Variants in FBXL5 observed in about 807,000 individuals in gnomAD.
FBXL5 encodes F-box and leucine rich repeat protein 5, also known as F-box/LRR-repeat protein 5.
FBXL5 carries 26 observed loss-of-function variants against 78.3 expected under a neutral mutation model. The observed-to-expected ratio is 0.33, with a 90% CI of 0.24 to 0.46. The LOEUF is 0.46. Ranked by LOEUF, FBXL5 falls within the 20% of genes least tolerant of loss-of-function variation. The pLI, the probability that FBXL5 is intolerant of heterozygous loss-of-function variation, is 1.00. For synonymous variants in FBXL5, 295 were observed against 282.5 expected, an observed-to-expected ratio of 1.04 and a Z score of -0.45; for missense variants, 710 against 829.2, an observed-to-expected ratio of 0.86 and a Z score of 1.77.
chr4:15,678,487 T>G (rs929279233), intron 1 of FBXL5, among the ~76,000 whole-genome samples: 1 of 152,194 alleles, frequency 6.6e-6, no homozygotes, highest in Non-Finnish European at 1.5e-5. Context: ...TTACAATTCA[T>G]GCAAACGAAG....
At chr4:15,650,201 C>A (rs1007426232) in intron 1 of FBXL5, among the ~76,000 whole-genome samples, 7 of 152,140 alleles carry the variant, frequency 4.6e-5, no homozygotes, top group African/African-American at 1.7e-4. Flanking sequence ...GGACAGCCCC[C>A]ATAAAAAAGA....
chr4:15,674,209 T>C (rs1423328496), intron 1 of FBXL5, among the ~76,000 whole-genome samples: 1 of 152,020 alleles, frequency 6.6e-6, no homozygotes, highest in African/African-American at 2.4e-5. Context: ...ATCGTGTTTT[T>C]TTTTTTTTTT....
chr4:15,630,762 G>C lies in FBXL5; in HGVS notation c.796C>G (p.Leu266Val). Residue 266 changes from leucine (L) to valine (V), a missense_variant, in exon 6 of 11, where the codon CTT becomes GTT. Around this residue, in one of 4 missense-constraint regions of FBXL5, gnomAD observed 517 missense variants for 542.9 expected, o/e 0.95. Transcript: ENST00000341285. ...GDWYSGPATE[L>V]DTEPDDEWVK... Reference sequence around the variant, plus strand: ...CATTCATCATCAGGTTCAGTATCAAGTTCAGTTGCGGGACCACTATACCAG... The same window carrying C: ...CATTCATCATCAGGTTCAGTATCAACTTCAGTTGCGGGACCACTATACCAG... 5 of 1,612,990 alleles carry C rather than the reference G, an allele frequency of 3.1e-6. No individual in the cohort carries two copies. The Admixed American group carries it at 8.4e-5, about 27-fold the overall frequency.
At position 15,612,279 on chromosome 4, in the gene FBXL5, A is replaced by G; in HGVS notation, c.1986T>C (p.Cys662=). 1 of 1,602,852 alleles carries G rather than the reference A, an allele frequency of 6.2e-7. No individual in the cohort carries two copies. Among genetic ancestry groups the G allele is most frequent in the Non-Finnish European group, 8.5e-7 (1 of 1,176,062 alleles). Residue 662 remains cysteine, a synonymous_variant, in exon 10 of 11, where the codon TGT becomes TGC. Coordinates refer to ENST00000341285, the MANE Select transcript of FBXL5 (RefSeq NM_012161.4). ...PSLNDEYFYY[C]DNINGPHADT... ...AAAAGGCATTACCGTTAATGTTGTC[A>G]CAGTAGTAAAAGTATTCATCATTCA...
intron 1 of FBXL5, among the ~76,000 whole-genome samples, chr4:15,654,883 G>C (rs932411443): frequency 1.3e-5 from 2 of 152,134 alleles, no homozygotes; most frequent in African/African-American, 4.8e-5. Context: ...GCAGCAGCGG[G>C]AGTCCCAGCG....
At chr4:15,623,016 A>G (rs1712641225) in intron 9 of FBXL5, among the ~76,000 whole-genome samples, 1 of 152,200 alleles carries the variant, frequency 6.6e-6, no homozygotes, top group African/African-American at 2.4e-5. Context: ...AGAATTTGTT[A>G]ATGAAGTGCC....
At chr4:15,661,780 G>A (rs1235640567), upstream of FBXL5, among the ~76,000 whole-genome samples, 1 of 152,178 alleles carries the variant, frequency 6.6e-6, no homozygotes, top group East Asian at 1.9e-4. Context: ...CTTATGGGGT[G>A]GTTCTAGATC....
rs182839999 is a variant in FBXL5, at chr4:15,654,561, A to G, written c.84+643T>C. Among the ~76,000 whole-genome samples, 4 of 152,338 alleles carry G rather than the reference A, an allele frequency of 2.6e-5. No individual in the cohort carries two copies. In the East Asian group the frequency reaches 7.7e-4, roughly 29 times the overall value. ...TCCAGTAAGTGTTCAGGGCAATAAA[A>G]GTTGCAAGGAAAACGATAACGACAC... On this transcript the variant is annotated intron_variant, in intron 1 of 10. Coordinates refer to ENST00000341285, the MANE Select transcript of FBXL5 (RefSeq NM_012161.4).
intron 1 of FBXL5, among the ~76,000 whole-genome samples, chr4:15,669,045 A>G (rs529894475): frequency 2.0e-5 from 3 of 152,366 alleles, no homozygotes; most frequent in Non-Finnish European, 4.4e-5. Context: ...AAGATCGGTT[A>G]GTACAGGATA....
intron 1 of FBXL5, among the ~76,000 whole-genome samples, chr4:15,666,912 A>C (rs1717570667): frequency 6.6e-6 from 1 of 152,182 alleles, no homozygotes; most frequent in Non-Finnish European, 1.5e-5. Flanking sequence ...AAATGTGTTA[A>C]TTAGCTTGAT....
At chr4:15,680,048 T>C (rs550931608) in intron 1 of FBXL5, among the ~76,000 whole-genome samples, 2 of 151,694 alleles carry the variant, frequency 1.3e-5, no homozygotes, top group South Asian at 2.1e-4. Context: ...AAATGGAGTA[T>C]GTGACAGGAA....
At position 15,655,191 on chromosome 4, in the gene FBXL5, A is replaced by G. The variant is rs1163813925; in HGVS notation, c.84+13T>C. 2.2e-6 allele frequency: 3 copies of G among 1,388,330 alleles called. No individual in the cohort carries two copies. Among genetic ancestry groups the G allele is most frequent in the African/African-American group, 3.4e-5 (2 of 58,914 alleles). The allele number at this position is 1,388,330 out of a possible 1,614,324, so 86.0% of individuals were successfully genotyped here. Reference sequence around the variant, plus strand: ...CCGCACCGCCCACAGCGGGAGGCTCAGCGCTCCGTTACCTTGTCGCAGTAG... The same window carrying G: ...CCGCACCGCCCACAGCGGGAGGCTCGGCGCTCCGTTACCTTGTCGCAGTAG... On this transcript the variant is annotated intron_variant, in intron 1 of 10. Transcript: ENST00000341285.
chr4:15,622,962 C>A (rs74447237), intron 9 of FBXL5, among the ~76,000 whole-genome samples: 5 of 152,106 alleles, frequency 3.3e-5, no homozygotes, highest in Non-Finnish European at 7.4e-5. Context: ...TTTCCAATCC[C>A]AACAGCAGTA....
At chr4:15,675,075 G>A (rs544773043) in intron 1 of FBXL5, among the ~76,000 whole-genome samples, 2 of 152,232 alleles carry the variant, frequency 1.3e-5, no homozygotes, top group African/African-American at 4.8e-5. Context: ...AACACTTTAT[G>A]CATCAAAACA....
intron 1 of FBXL5, among the ~76,000 whole-genome samples, chr4:15,668,428 C>T (rs1251834723): frequency 6.6e-6 from 1 of 151,702 alleles, no homozygotes; most frequent in African/African-American, 2.4e-5. Flanking sequence ...TTTTAAACAG[C>T]AGATTTTGAC....
At chr4:15,617,387 C>CAA (rs113588464) in intron 9 of FBXL5, among the ~76,000 whole-genome samples, 1 of 143,248 alleles carries the variant, frequency 7.0e-6, no homozygotes, top group Non-Finnish European at 1.5e-5. Context: ...ACTAAAAATA[C>CAA]AAAAAAAAAA....
At chr4:15,621,301 T>C (rs1303899200) in intron 9 of FBXL5, among the ~76,000 whole-genome samples, 5 of 152,228 alleles carry the variant, frequency 3.3e-5, no homozygotes, top group Non-Finnish European at 7.3e-5. Context: ...GTTATACTTC[T>C]ATATACTAGC....
At chr4:15,635,481 T>C (rs1714156541) in intron 5 of FBXL5, among the ~76,000 whole-genome samples, 1 of 151,806 alleles carries the variant, frequency 6.6e-6, no homozygotes, top group Non-Finnish European at 1.5e-5. Flanking sequence ...GGGCCGGGTC[T>C]GGTGGCTCAC....
At chr4:15,630,829 T>C (rs1713554262) in intron 5 of FBXL5, 38 bp from the exon 6 acceptor site, 1 of 1,598,678 alleles carries the variant, frequency 6.3e-7, no homozygotes, top group African/African-American at 1.5e-5. Context: ...TTCAAAATAA[T>C]ATCAGATTGC....
Sources: gnomAD v4.1 joint callset for allele counts (sites outside exome capture counted in the v4.1 genomes callset) on GRCh38, gnomAD v4.1.1 for gene constraint, gnomAD v4.1.1 regional missense constraint, MANE v1.5 for transcripts, NCBI Gene and HGNC (gene_info 2026-07-23, HGNC 2026-07-21) for gene names.